The following NPAS3 variants were observed in gnomAD, a reference collection of about 807,000 sequenced individuals.
NPAS3 encodes the protein neuronal PAS domain protein 3, also known as neuronal PAS domain-containing protein 3.
A neutral mutation model predicts 73.1 loss-of-function variants in NPAS3; 14 were observed. The observed-to-expected ratio is 0.19, with a 90% confidence interval of 0.13 to 0.30. The LOEUF (loss-of-function observed/expected upper bound fraction) is 0.30. NPAS3 is among the 10% of genes least tolerant of loss of function. NPAS3 has a pLI of 1.00. For missense variants in NPAS3, 1,096 were observed against 1,250.0 expected (o/e 0.88, Z 1.86); for synonymous variants, 620 against 541.5 (o/e 1.14, Z -2.01).
intron 3 of NPAS3, among the ~76,000 whole-genome samples, chr14:33,220,750 G>A (rs1003374646): frequency 6.6e-6 from 1 of 152,128 alleles, no homozygotes; most frequent in Non-Finnish European, 1.5e-5. Flanking sequence ...ATCTAACTCA[G>A]CATGAAAAAT....
chr14:33,593,412 A>T (rs753204162), intron 5 of NPAS3, among the ~76,000 whole-genome samples: 9 of 152,214 alleles, frequency 5.9e-5, no homozygotes, highest in Admixed American at 2.0e-4. Context: ...TGCTGAGCAC[A>T]TGTTTTCAAA....
intron 1 of NPAS3, among the ~76,000 whole-genome samples, chr14:33,038,414 T>C (rs139700036): frequency 1.3e-4 from 20 of 152,288 alleles, no homozygotes; most frequent in African/African-American, 4.8e-4. Context: ...ATCTTGGTTT[T>C]CTGAAAAACA....
At chr14:33,147,551 G>A in intron 2 of NPAS3, among the ~76,000 whole-genome samples, 1 of 151,058 alleles carries the variant, frequency 6.6e-6, no homozygotes, top group Non-Finnish European at 1.5e-5. Flanking sequence ...CTTGGACACA[G>A]GAAGGGGAAC....
chr14:33,016,035 T>A (rs779795320), intron 1 of NPAS3, among the ~76,000 whole-genome samples: 2 of 151,988 alleles, frequency 1.3e-5, no homozygotes, highest in Non-Finnish European at 2.9e-5. Context: ...GTAGGTATAG[T>A]AATGTCAGGG....
intron 3 of NPAS3, among the ~76,000 whole-genome samples, chr14:33,313,944 A>G (rs2043106319): frequency 6.6e-6 from 1 of 152,006 alleles, no homozygotes; most frequent in South Asian, 2.1e-4. Context: ...ACTCTATTCA[A>G]GGTCTGCAGA....
intron 4 of NPAS3, among the ~76,000 whole-genome samples, chr14:33,412,292 G>A (rs1008294416): frequency 1.3e-5 from 2 of 151,882 alleles, no homozygotes; most frequent in Non-Finnish European, 1.5e-5. Flanking sequence ...CTAAATTTTT[G>A]TATTTTTTGT....
chr14:33,557,770 C>T (rs1190053466), intron 4 of NPAS3, among the ~76,000 whole-genome samples: 3 of 152,308 alleles, frequency 2.0e-5, no homozygotes, highest in Non-Finnish European at 4.4e-5. Flanking sequence ...GAGATCAAGG[C>T]CATCCTGGCT....
chr14:33,585,895 T>A (rs2056841257), intron 5 of NPAS3: 1 of 152,138 alleles, frequency 6.6e-6, no homozygotes, highest in Admixed American at 6.6e-5. Context: ...TTTAAGCCCC[T>A]GGACTTTGAT....
At chr14:33,714,792 A>G (rs145966215) in intron 6 of NPAS3, among the ~76,000 whole-genome samples, 100 of 152,272 alleles carry the variant, frequency 6.6e-4, no homozygotes, top group African/African-American at 2.2e-3. Context: ...CATAACTGGC[A>G]GTGATGTTTT....
intron 5 of NPAS3, among the ~76,000 whole-genome samples, chr14:33,586,248 T>TTTTTTTTTTTTTTTTTTTTTGAGACG (rs1271344458): frequency 1.3e-5 from 2 of 150,396 alleles, no homozygotes; most frequent in Non-Finnish European, 3.0e-5. Flanking sequence ...GATGTTTTAT[T>TTTTTTTTTTTTTTTTTTTTTGAGACG]GACTGTTTCA....
chr14:33,365,660 CCT>C (rs902392146), intron 3 of NPAS3, among the ~76,000 whole-genome samples: 1 of 152,170 alleles, frequency 6.6e-6, no homozygotes, highest in Admixed American at 6.5e-5. Flanking sequence ...GAAAAAAATG[CCT>C]CTGTTATTTT....
intron 5 of NPAS3, among the ~76,000 whole-genome samples, chr14:33,562,523 G>C (rs1215392795): frequency 6.6e-6 from 1 of 152,166 alleles, no homozygotes; most frequent in Non-Finnish European, 1.5e-5. Flanking sequence ...CAACTGAATT[G>C]ATGAGGGGTC....
chr14:33,668,941 T>C (rs567631948), intron 5 of NPAS3, among the ~76,000 whole-genome samples: 10 of 152,252 alleles, frequency 6.6e-5, no homozygotes, highest in Admixed American at 2.6e-4. Context: ...ATGAAAACAA[T>C]AACAAAAATT....
At chr14:33,589,082 A>T (rs2056969965) in intron 5 of NPAS3, among the ~76,000 whole-genome samples, 1 of 152,162 alleles carries the variant, frequency 6.6e-6, no homozygotes, top group South Asian at 2.1e-4. Flanking sequence ...GTTTGTCCTC[A>T]TCCCCCAAAA....
intron 5 of NPAS3, among the ~76,000 whole-genome samples, chr14:33,573,086 A>T (rs1351256535): frequency 3.3e-5 from 5 of 152,048 alleles, no homozygotes; most frequent in African/African-American, 7.2e-5. Context: ...ACTTGTGAAA[A>T]CATCAGTAAA....
In NPAS3 at chr14:33,410,187, G is replaced by A. The variant is rs141283313; in HGVS notation, c.468+42919G>A. ...AATCTCTTGAAAGAGTCTTTCTGTGGTTAAAATTTACCAGATGTGACTGAA... is the reference window on the plus strand; with the variant it reads ...AATCTCTTGAAAGAGTCTTTCTGTGATTAAAATTTACCAGATGTGACTGAA... On this transcript the variant is annotated intron_variant, in intron 4 of 11. Coordinates refer to ENST00000356141, the Ensembl canonical transcript of NPAS3. 9.4e-4 allele frequency among the ~76,000 whole-genome samples: 143 copies of A among 152,258 alleles called. No individual in the cohort carries two copies. The South Asian group carries it at 0.012, about 13-fold the overall frequency.
At chr14:33,191,168 T>G (rs1470105879) in intron 2 of NPAS3, among the ~76,000 whole-genome samples, 2 of 152,176 alleles carry the variant, frequency 1.3e-5, no homozygotes, top group Non-Finnish European at 2.9e-5. Context: ...GCTCTTACTG[T>G]GTCTAAAGAG....
intron 1 of NPAS3, among the ~76,000 whole-genome samples, chr14:33,045,406 T>C (rs767039278): frequency 5.9e-5 from 9 of 152,344 alleles, no homozygotes; most frequent in Admixed American, 1.3e-4. Context: ...ATCCTTCCGA[T>C]TAGTCTTTCT....
At chr14:33,358,425 C>T (rs557384544) in intron 3 of NPAS3, among the ~76,000 whole-genome samples, 19 of 151,898 alleles carry the variant, frequency 1.3e-4, no homozygotes, top group Non-Finnish European at 2.4e-4. Context: ...CAGGATGATG[C>T]GCCTGGAACA....
Sources: gnomAD v4.1 joint callset for allele counts (sites outside exome capture counted in the v4.1 genomes callset) on GRCh38, gnomAD v4.1.1 for gene constraint, MANE v1.5 for transcripts, NCBI Gene and HGNC (gene_info 2026-07-23, HGNC 2026-07-21) for gene names.